ZNF232: variants seen among roughly 807,000 people sequenced by gnomAD.
ZNF232 encodes zinc finger and SCAN domain-containing protein 11.
A neutral mutation model predicts 25.2 loss-of-function variants in ZNF232; 25 were observed. That is an observed-to-expected ratio of 0.99 (90% CI 0.72 to 1.39). The LOEUF is 1.39. Ranked by LOEUF, ZNF232 falls within the 40% of genes most tolerant of loss-of-function variation. The pLI is 0.00. For missense variants in ZNF232, 519 were observed against 520.9 expected (o/e 1.00, Z 0.04); for synonymous variants, 193 against 182.9 (o/e 1.06, Z -0.45).
In ZNF232 at chr17:5,108,906, C is replaced by G. The variant is rs750518870; in HGVS notation, c.625+20G>C. 3 of 1,613,738 alleles carry G rather than the reference C, an allele frequency of 1.9e-6. No individual in the cohort carries two copies. Among genetic ancestry groups the G allele is most frequent in the East Asian group, 4.5e-5 (2 of 44,858 alleles). On this transcript the variant is annotated intron_variant, in intron 3 of 3. Transcript: ENST00000575898. ...AGTCCCTCTTTCTCCTCTCCCTCCC[C>G]ACAGAATCCTGCTCCTCACCACTCT...
chr17:5,113,582 A>C (rs2072466248), upstream of ZNF232: 1 of 152,260 alleles, frequency 6.6e-6, no homozygotes, highest in Admixed American at 6.5e-5. Context: ...TCCTGATTTA[A>C]TTAGCTGCTT....
exon 3 of ZNF232, chr17:5,108,946 G>T: frequency 6.2e-7 from 1 of 1,614,046 alleles, no homozygotes; most frequent in Non-Finnish European, 8.5e-7. Context: ...GAAAGGCTGG[G>T]TCTCCTTAGG....
chr17:5,109,574 C>G, exon 2 of ZNF232: 1 of 1,614,048 alleles, frequency 6.2e-7, no homozygotes, highest in Non-Finnish European at 8.5e-7. Context: ...GCCTCAGCCA[C>G]TCACAGCAGA....
chr17:5,109,907 T>TA, intron 1 of ZNF232, 39 bp from the exon 2 acceptor site: 1 of 1,511,716 alleles, frequency 6.6e-7, no homozygotes, highest in Non-Finnish European at 8.9e-7. Flanking sequence ...TTTTTTTTTT[T>TA]AAGACAGAGT....
chr17:5,115,914 GGCCGTCAAGGCTGGGATA>G (rs2072524414), upstream of ZNF232, among the ~76,000 whole-genome samples: 1 of 152,198 alleles, frequency 6.6e-6, no homozygotes, highest in South Asian at 2.1e-4. Flanking sequence ...AAGCCTCCCC[GGCCGTCAAGGCTGGGATA>G]GCGCCGGGGG....
upstream of ZNF232, among the ~76,000 whole-genome samples, chr17:5,112,966 AAATT>A (rs1233399508): frequency 7.9e-5 from 12 of 152,256 alleles, no homozygotes; most frequent in African/African-American, 2.4e-4. Flanking sequence ...CTCAAAAAAA[AAATT>A]AATTAAAAAT....
upstream of ZNF232, among the ~76,000 whole-genome samples, chr17:5,116,281 GCGGCCCCCCTCACCACTCC>G (rs2072535618): frequency 1.3e-5 from 2 of 151,916 alleles, no homozygotes; most frequent in Admixed American, 6.6e-5. Context: ...CCCGCTCCGG[GCGGCCCCCCTCACCACTCC>G]CGGCCCCGCT....
chr17:5,122,812 C>G (rs1187594786), intron 1 of ZNF232, among the ~76,000 whole-genome samples: 1 of 152,244 alleles, frequency 6.6e-6, no homozygotes, highest in Non-Finnish European at 1.5e-5. Context: ...GTGGGTAGGG[C>G]GCGGAGAGCG....
At position 5,105,748 on chromosome 17, in the gene ZNF232, T is replaced by A. The variant is rs150391086; in HGVS notation, c.*76A>T. 197 of 1,373,904 alleles carry A rather than the reference T, an allele frequency of 1.4e-4. No homozygotes were observed. In the African/African-American group the frequency reaches 2.2e-3, roughly 15 times the overall value. 85.1% of individuals were successfully genotyped at this position (1,373,904 alleles called of 1,614,324 possible). On this transcript the variant is annotated 3_prime_UTR_variant, in exon 4 of 4. Coordinates refer to ENST00000575898, the Ensembl canonical transcript of ZNF232. The stretch of plus-strand genomic sequence containing the variant: ...CACAGGAAAAATCTTAAGGAACTTA[T>A]AACTTTTATGGGATCCAGTCCTAAA...
chr17:5,121,440 ATGGAGCTCTACATCTC>A (rs1422403252), intron 1 of ZNF232: 17 of 307,580 alleles, frequency 5.5e-5, no homozygotes, highest in Non-Finnish European at 9.5e-5. Context: ...GGATAGAGAT[ATGGAGCTCTACATCTC>A]TGTGCAGAAC....
exon 3 of ZNF232, chr17:5,109,013 A>G (rs1321295716): frequency 1.9e-6 from 3 of 1,613,888 alleles, no homozygotes; most frequent in East Asian, 2.2e-5. Context: ...TTCTTCTCCC[A>G]TGGCTCTTCC....
chr17:5,113,194 A>G (rs950411548), upstream of ZNF232, among the ~76,000 whole-genome samples: 1 of 152,224 alleles, frequency 6.6e-6, no homozygotes, highest in African/African-American at 2.4e-5. Context: ...GCTGGGGGAT[A>G]TATTATCTTT....
At chr17:5,116,014 A>G (rs1327865494), upstream of ZNF232, among the ~76,000 whole-genome samples, 1 of 152,230 alleles carries the variant, frequency 6.6e-6, no homozygotes, top group Non-Finnish European at 1.5e-5. Flanking sequence ...GGCGCAAGGC[A>G]CGGAGGCCAG....
At chr17:5,110,460 G>A (rs1016514666) in intron 1 of ZNF232, among the ~76,000 whole-genome samples, 2 of 152,164 alleles carry the variant, frequency 1.3e-5, no homozygotes, top group Non-Finnish European at 2.9e-5. Flanking sequence ...ATGACTATTG[G>A]AAGAAATAAG....
rs2072354208 is a variant in ZNF232 at position 5,109,819 on chromosome 17, G to A, written c.73C>T (p.Gln25Ter). The stretch of plus-strand genomic sequence containing the variant: ...GTTAGTGATACAGCCATCCTAGTCT[G>A]CACTAGCTCTGCAGAAGGCTCATAC... The change falls in exon 2 of 4, where the codon CAG becomes TAG. Residue 25 changes from glutamine (Q) to a stop codon, truncating the protein, a stop_gained. Transcript: ENST00000575898. LOFTEE classifies it high-confidence loss of function. 6.2e-7 allele frequency: 1 copy of A among 1,614,034 alleles called. No individual in the cohort carries two copies. The highest frequency in any genetic ancestry group is 8.5e-7 in the Non-Finnish European group (1 of 1,179,982).
chr17:5,109,936 C>T, intron 1 of ZNF232, 68 bp from the exon 2 acceptor site: 1 of 1,447,362 alleles, frequency 6.9e-7, no homozygotes, highest in Admixed American at 2.3e-5. Context: ...GTTACCCAGG[C>T]TGGAGTGCAG....
exon 4 of ZNF232, chr17:5,106,274 T>G: frequency 6.2e-7 from 1 of 1,614,248 alleles, no homozygotes; most frequent in Non-Finnish European, 8.5e-7. Context: ...CTGTGGGAAT[T>G]TCCTTATGGA....
chr17:5,117,675 G>A (rs1047808892), intron 1 of ZNF232, among the ~76,000 whole-genome samples: 1 of 152,118 alleles, frequency 6.6e-6, no homozygotes. Flanking sequence ...TATCAGATTT[G>A]TTCTGAAGGA....
At chr17:5,111,051 T>A (rs569783104) in intron 1 of ZNF232, 3 of 152,172 alleles carry the variant, frequency 2.0e-5, no homozygotes, top group Non-Finnish European at 4.4e-5. Flanking sequence ...AAATCTGCAT[T>A]TTACACAAGA....
Sources: allele counts gnomAD v4.1 joint callset (sites outside exome capture counted in the v4.1 genomes callset), GRCh38; gene constraint gnomAD v4.1.1; transcripts MANE v1.5; gene names NCBI Gene and HGNC (gene_info 2026-07-23, HGNC 2026-07-21).